The following STAM variants were observed in gnomAD, a reference collection of about 807,000 sequenced individuals.
The protein encoded by STAM is signal transducing adaptor molecule, also known as signal transducing adapter molecule 1.
Under a neutral mutation model 63.4 loss-of-function variants are expected in STAM, and 16 were observed. That is an observed-to-expected ratio of 0.25 (90% CI 0.17 to 0.38). STAM has a LOEUF of 0.38. STAM is among the 10% of genes least tolerant of loss of function. STAM has a pLI of 1.00. For synonymous variants in STAM, 238 were observed against 223.9 expected (o/e 1.06, Z -0.56); for missense variants, 636 against 657.1 (o/e 0.97, Z 0.35).
At chr10:17,710,841 A>G (rs2131701366) in intron 13 of STAM, among the ~76,000 whole-genome samples, 1 of 152,332 alleles carries the variant, frequency 6.6e-6, no homozygotes, top group East Asian at 1.9e-4. Context: ...TGTATTTTTT[A>G]AAAATTCCTT....
chr10:17,674,029 C>G (rs1398116938), intron 2 of STAM, among the ~76,000 whole-genome samples: 1 of 152,040 alleles, frequency 6.6e-6, no homozygotes, highest in African/African-American at 2.4e-5. Flanking sequence ...GACTGGAGGT[C>G]CAAGAGAGCA....
rs1833431601 is a variant in STAM, at chr10:17,644,306, G to A, written c.-34G>A. ...GCTCTGACTCCCGTGCTGTCGAGAG[G>A]GAGTCCCCGGGGACACCTCGGCACG... On this transcript the variant is annotated 5_prime_UTR_variant, in exon 1 of 14. Transcript: ENST00000377524. The A allele has an allele frequency of 1.2e-6, 2 of 1,613,690 alleles. No individual in the cohort carries two copies. The highest frequency in any genetic ancestry group is 2.7e-5 in the African/African-American group (2 of 74,920).
chr10:17,649,247 T>TA (rs1189965949), intron 1 of STAM, among the ~76,000 whole-genome samples: 1 of 151,822 alleles, frequency 6.6e-6, no homozygotes, highest in African/African-American at 2.4e-5. Context: ...CTACAAACAA[T>TA]AAAAAAGTTA....
intron 1 of STAM, among the ~76,000 whole-genome samples, chr10:17,648,757 A>G (rs1203579098): frequency 6.6e-6 from 1 of 152,202 alleles, no homozygotes; most frequent in Non-Finnish European, 1.5e-5. Context: ...TCTCATTTAC[A>G]AAGGTCAGTG....
chr10:17,711,704 G>A (rs755276907), intron 13 of STAM, among the ~76,000 whole-genome samples: 2 of 152,152 alleles, frequency 1.3e-5, no homozygotes, highest in Non-Finnish European at 2.9e-5. Context: ...GGTATGTATC[G>A]GCATTCCAGC....
rs1833435603 is a variant in STAM at position 17,644,367 on chromosome 10, G to A, written c.28G>A (p.Asp10Asn). The change falls in exon 1 of 14, where the codon GAT becomes AAT. Residue 10 changes from aspartate to asparagine, a missense_variant. This residue lies in a region of STAM where 87 missense variants were observed against 80.3 expected (regional missense o/e 1.08). Transcript: ENST00000377524. MPLFATNPF[D>N]QDVEKATSEM... The stretch of plus-strand genomic sequence containing the variant: ...GCCTCTTTTTGCCACCAATCCCTTC[G>A]ATCAGGATGTTGGTAAGTGTTTTTG... The A allele has an allele frequency of 6.2e-7, 1 of 1,614,124 alleles. No individual in the cohort carries two copies. Among genetic ancestry groups the A allele is most frequent in the Non-Finnish European group, 8.5e-7 (1 of 1,180,006 alleles).
At position 17,705,043 on chromosome 10, in the gene STAM, A is replaced by G; in HGVS notation, c.1055+19A>G. On this transcript the variant is annotated intron_variant, in intron 11 of 13. Coordinates refer to ENST00000377524, the MANE Select transcript of STAM (RefSeq NM_003473.4). ...TTGATAGGTAAAAGAACATGGGTGC[A>G]TTTATGTTGTGTACCTTCTTTCCTG... is the stretch of plus-strand genomic sequence containing the variant. The G allele has an allele frequency of 2.5e-6, 4 of 1,609,070 alleles. No homozygotes were observed. Among genetic ancestry groups the G allele is most frequent in the Non-Finnish European group, 3.4e-6 (4 of 1,176,240 alleles).
intron 1 of STAM, among the ~76,000 whole-genome samples, chr10:17,644,814 G>T (rs1408420259): frequency 6.6e-6 from 1 of 152,184 alleles, no homozygotes; most frequent in Non-Finnish European, 1.5e-5. Context: ...TTTTAGGTAA[G>T]GTTCCTTAGA....
intron 2 of STAM, 36 bp downstream of exon 2, chr10:17,660,584 T>C (rs782151838): frequency 1.9e-6 from 3 of 1,541,316 alleles, no homozygotes; most frequent in East Asian, 2.3e-5. Flanking sequence ...TTTTATTCTT[T>C]CTTTTTAAAA....
At chr10:17,663,403 A>G (rs1225860441) in intron 2 of STAM, among the ~76,000 whole-genome samples, 1 of 151,980 alleles carries the variant, frequency 6.6e-6, no homozygotes, top group Non-Finnish European at 1.5e-5. Flanking sequence ...ATTCCTTAAT[A>G]TTTGAATTGT....
intron 1 of STAM, among the ~76,000 whole-genome samples, chr10:17,657,682 T>A (rs1833994513): frequency 6.6e-6 from 1 of 152,216 alleles, no homozygotes; most frequent in South Asian, 2.1e-4. Flanking sequence ...TTGTATGTAT[T>A]TCAGCAGATT....
chr10:17,650,527 C>A, intron 1 of STAM, among the ~76,000 whole-genome samples: 1 of 152,220 alleles, frequency 6.6e-6, no homozygotes, highest in Non-Finnish European at 1.5e-5. Context: ...GGGAGTAATT[C>A]TTGACTTCTG....
intron 12 of STAM, among the ~76,000 whole-genome samples, chr10:17,706,285 T>A (rs10904997): frequency 0.13 from 19,327 of 149,598 alleles, 1,419 homozygotes; most frequent in East Asian, 0.26. Context: ...TGCAGCAGAA[T>A]CAGCCATCAC....
At chr10:17,672,613 G>A (rs531915795) in intron 2 of STAM, among the ~76,000 whole-genome samples, 1 of 152,262 alleles carries the variant, frequency 6.6e-6, no homozygotes, top group Admixed American at 6.5e-5. Context: ...ACATAGTCCT[G>A]TATGCAAGCC....
At chr10:17,662,857 A>G (rs1834227163) in intron 2 of STAM, among the ~76,000 whole-genome samples, 1 of 152,228 alleles carries the variant, frequency 6.6e-6, no homozygotes, top group Non-Finnish European at 1.5e-5. Flanking sequence ...GATTGAAGTC[A>G]TATTTTGTGA....
chr10:17,715,106 A>G lies in STAM; in HGVS notation c.*326A>G, dbSNP rs1460487510. 2 of 326,360 alleles carry G rather than the reference A, an allele frequency of 6.1e-6. No homozygotes were observed. The highest frequency in any genetic ancestry group is 1.2e-5 in the Non-Finnish European group (2 of 169,458). The allele number at this position is 326,360 out of a possible 1,614,324, so 20.2% of individuals were successfully genotyped here. On this transcript the variant is annotated 3_prime_UTR_variant, in exon 14 of 14. Transcript: ENST00000377524. ...AAAACTGTTGTGACAAATGTTATGT[A>G]CATATATTGATATGTAACTGCATTA...
chr10:17,695,650 A>G (rs1589092934), intron 7 of STAM: 1 of 154,402 alleles, frequency 6.5e-6, no homozygotes, highest in African/African-American at 2.4e-5. Context: ...TTTATTTTGT[A>G]TGGAATTACA....
At chr10:17,690,403 G>A (rs1426261225) in intron 5 of STAM, among the ~76,000 whole-genome samples, 1 of 152,168 alleles carries the variant, frequency 6.6e-6, no homozygotes, top group Non-Finnish European at 1.5e-5. Context: ...TGATCTAGAT[G>A]TTATAAAGTA....
At chr10:17,705,870 C>A in intron 12 of STAM, 129 bp downstream of exon 12, 1 of 776,286 alleles carries the variant, frequency 1.3e-6, no homozygotes, top group Non-Finnish European at 2.0e-6. Flanking sequence ...GAGTTTAAGA[C>A]CAGCCTGGGT....
Sources: gnomAD v4.1 joint callset for allele counts (sites outside exome capture counted in the v4.1 genomes callset) on GRCh38, gnomAD v4.1.1 for gene constraint, gnomAD v4.1.1 regional missense constraint, MANE v1.5 for transcripts, NCBI Gene and HGNC (gene_info 2026-07-23, HGNC 2026-07-21) for gene names.